Variants in HTR4 observed in about 807,000 individuals in gnomAD.
HTR4 encodes 5-hydroxytryptamine (serotonin) receptor 4, G protein-coupled.
Under a neutral mutation model 36.8 loss-of-function variants are expected in HTR4, and 16 were observed. The observed-to-expected ratio is 0.43, with a 90% CI of 0.29 to 0.66. The LOEUF is 0.66. Among genes scored for constraint, HTR4 ranks in the 30% least tolerant of loss-of-function variants. The pLI is 0.13. For missense variants in HTR4, 438 were observed against 490.9 expected, an observed-to-expected ratio of 0.89 and a Z score of 1.02; for synonymous variants, 189 against 185.1, an observed-to-expected ratio of 1.02 and a Z score of -0.17.
intron 2 of HTR4, among the ~76,000 whole-genome samples, chr5:148,634,196 A>G (rs865944360): frequency 7.9e-5 from 12 of 152,150 alleles, no homozygotes; most frequent in Non-Finnish European, 1.3e-4. Context: ...TGGAAGTCTA[A>G]AGCCTTCTCT....
intron 5 of HTR4, among the ~76,000 whole-genome samples, chr5:148,512,088 G>A (rs1169174152): frequency 6.6e-6 from 1 of 152,140 alleles, no homozygotes; most frequent in African/African-American, 2.4e-5. Context: ...TCAATGGGAC[G>A]AGAGCATTGC....
chr5:148,516,266 T>C (rs1757744134), intron 5 of HTR4, among the ~76,000 whole-genome samples: 1 of 151,400 alleles, frequency 6.6e-6, no homozygotes, highest in Non-Finnish European at 1.5e-5. Context: ...TACTTATTTA[T>C]TTCAGTGTAT....
chr5:148,586,349 A>C (rs1212472113), intron 2 of HTR4, among the ~76,000 whole-genome samples: 1 of 152,054 alleles, frequency 6.6e-6, no homozygotes, highest in Admixed American at 6.6e-5. Context: ...TGAATGAATA[A>C]ATCCTGGAGC....
intron 1 of HTR4, among the ~76,000 whole-genome samples, chr5:148,641,368 G>A (rs2127311835): frequency 6.6e-6 from 1 of 152,194 alleles, no homozygotes; most frequent in East Asian, 1.9e-4. Flanking sequence ...TCTACCATCT[G>A]GACTAAGGTA....
intron 6 of HTR4, among the ~76,000 whole-genome samples, chr5:148,485,913 C>T (rs1021646342): frequency 1.3e-5 from 2 of 152,236 alleles, no homozygotes; most frequent in East Asian, 3.8e-4. Context: ...CATTGGCTCT[C>T]TCTTTCTCTC....
chr5:148,621,409 C>T (rs1752914279), intron 2 of HTR4, among the ~76,000 whole-genome samples: 1 of 152,176 alleles, frequency 6.6e-6, no homozygotes, highest in East Asian at 1.9e-4. Context: ...CTATGAGCCA[C>T]CTGGTCTTCC....
rs201301278 is a variant in HTR4, at chr5:148,654,182, C to A, written c.-168G>T. 4,913 of 985,510 alleles carry A rather than the reference C, an allele frequency of 5.0e-3. 21 individuals carry two copies. The highest frequency in any genetic ancestry group is 5.6e-3 in the Non-Finnish European group (4,657 of 829,980). 61.0% of individuals were successfully genotyped at this position (985,510 alleles called of 1,614,324 possible). A position where few individuals can be genotyped will look rare whatever the true frequency, so the allele number is the denominator to read the frequency against. On this transcript the variant is annotated 5_prime_UTR_variant, in exon 1 of 7. Coordinates refer to ENST00000377888, the MANE Select transcript of HTR4 (RefSeq NM_000870.7). Reference sequence around the variant, plus strand: ...GCTCCCAGCCGCTGCCTGCGCCCTCCCTGCCGCCCCCTCGGGTGCGGGCTC... The same window carrying A: ...GCTCCCAGCCGCTGCCTGCGCCCTCACTGCCGCCCCCTCGGGTGCGGGCTC...
At chr5:148,527,312 A>G (rs1015370949) in intron 4 of HTR4, among the ~76,000 whole-genome samples, 3 of 152,222 alleles carry the variant, frequency 2.0e-5, no homozygotes, top group African/African-American at 7.2e-5. Context: ...TGGGAAAATA[A>G]TAGAATTTAC....
Position 148,596,927 on chromosome 5 carries a change from A to G in HTR4, c.26+40062T>C, listed in dbSNP as rs112514200. Among the ~76,000 whole-genome samples the G allele has an allele frequency of 5.2e-3, 789 of 152,310 alleles. 11 individuals carry two copies. The highest frequency in any genetic ancestry group is 0.018 in the African/African-American group (754 of 41,562). Reference sequence around the variant, plus strand: ...TAGCCTTATGAAATAAGCCAGATCAAGTGTAATAAGCCAAGAAGGCAGAGA... The same window carrying G: ...TAGCCTTATGAAATAAGCCAGATCAGGTGTAATAAGCCAAGAAGGCAGAGA... On this transcript the variant is annotated intron_variant, in intron 2 of 6. Transcript: ENST00000377888.
intron 1 of HTR4, among the ~76,000 whole-genome samples, chr5:148,643,873 C>A (rs766413824): frequency 6.6e-6 from 1 of 152,102 alleles, no homozygotes; most frequent in Admixed American, 6.5e-5. Context: ...GGCCAGAAAG[C>A]CATCAGATAG....
At chr5:148,639,617 GTA>G (rs370514542) in intron 1 of HTR4, among the ~76,000 whole-genome samples, 2,719 of 111,788 alleles carry the variant, frequency 0.024, 122 homozygotes, top group African/African-American at 0.089. Context: ...TTTCTTCCCA[GTA>G]TATATATATA....
intron 1 of HTR4, among the ~76,000 whole-genome samples, chr5:148,643,211 G>A (rs1263618656): frequency 6.6e-6 from 1 of 151,932 alleles, no homozygotes; most frequent in Non-Finnish European, 1.5e-5. Context: ...TTCTCAGCTG[G>A]GTAAATAAAC....
chr5:148,636,362 A>T (rs975915193), intron 2 of HTR4, among the ~76,000 whole-genome samples: 1 of 152,172 alleles, frequency 6.6e-6, no homozygotes, highest in Admixed American at 6.5e-5. Context: ...TCAAATGCCA[A>T]TTCATAACAT....
intron 2 of HTR4, among the ~76,000 whole-genome samples, chr5:148,602,655 G>T (rs968085495): frequency 2.6e-5 from 4 of 152,080 alleles, no homozygotes; most frequent in African/African-American, 9.7e-5. Context: ...CTAAGCAGAT[G>T]TTAATTAAAT....
intron 2 of HTR4, among the ~76,000 whole-genome samples, chr5:148,585,829 TC>T (rs760454671): frequency 6.6e-6 from 1 of 152,182 alleles, no homozygotes; most frequent in Non-Finnish European, 1.5e-5. Flanking sequence ...TCCCTGAGTT[TC>T]CTTCATTTCC....
rs538948846 is a variant in HTR4 at position 148,614,386 on chromosome 5, C to T, written c.26+22603G>A. Among the ~76,000 whole-genome samples, 1,366 of 152,212 alleles carry T rather than the reference C, an allele frequency of 9.0e-3. 26 individuals carry two copies. The highest frequency in any genetic ancestry group is 0.031 in the African/African-American group (1,306 of 41,496). ...CCTCAGAAATAATGCCGCATATCTA[C>T]AACTATCTGATCTTTGACAAACTTG... On this transcript the variant is annotated intron_variant, in intron 2 of 6. Coordinates refer to ENST00000377888, the MANE Select transcript of HTR4 (RefSeq NM_000870.7).
At chr5:148,524,553 C>T (rs1324629964) in intron 4 of HTR4, among the ~76,000 whole-genome samples, 4 of 152,132 alleles carry the variant, frequency 2.6e-5, no homozygotes, top group Non-Finnish European at 4.4e-5. Context: ...ACTTCTAGAC[C>T]GTTCCTGCAT....
downstream of HTR4, among the ~76,000 whole-genome samples, chr5:148,474,997 A>T (rs1451288929): frequency 6.6e-6 from 1 of 151,950 alleles, no homozygotes; most frequent in East Asian, 1.9e-4. Context: ...GTGAGCCGAG[A>T]TGGCGCCACT....
intron 1 of HTR4, among the ~76,000 whole-genome samples, chr5:148,643,031 C>A (rs137880781): frequency 1.3e-5 from 2 of 152,038 alleles, no homozygotes; most frequent in African/African-American, 4.8e-5. Flanking sequence ...GTCATTTGAA[C>A]TAAGTCATTT....
Sources: gnomAD v4.1 joint callset for allele counts (sites outside exome capture counted in the v4.1 genomes callset) on GRCh38, gnomAD v4.1.1 for gene constraint, MANE v1.5 for transcripts, NCBI Gene and HGNC (gene_info 2026-07-23, HGNC 2026-07-21) for gene names.